Variants in LRRC63 observed in about 807,000 individuals in gnomAD.
LRRC63 encodes leucine-rich repeat-containing protein 63.
LRRC63 carries 40 observed loss-of-function variants against 49.5 expected under a neutral mutation model. The ratio of observed to expected loss-of-function variants is 0.81; its 90% CI spans 0.63 to 1.05. The LOEUF (loss-of-function observed/expected upper bound fraction) is 1.05. Ranked by LOEUF, LRRC63 falls within the 50% of genes least tolerant of loss-of-function variation. LRRC63 has a pLI of 0.00. For synonymous variants in LRRC63, 191 were observed against 221.1 expected (o/e 0.86, Z 1.21); for missense variants, 636 against 663.1 (o/e 0.96, Z 0.45).
At chr13:46,229,577 T>C (rs1174610266) in intron 4 of LRRC63, among the ~76,000 whole-genome samples, 1 of 152,066 alleles carries the variant, frequency 6.6e-6, no homozygotes, top group East Asian at 1.9e-4. Context: ...TACTTGGGAC[T>C]TGAGGGAGAA....
intron 2 of LRRC63, among the ~76,000 whole-genome samples, chr13:46,216,749 A>G (rs1407702581): frequency 6.6e-6 from 1 of 152,184 alleles, no homozygotes; most frequent in Non-Finnish European, 1.5e-5. Flanking sequence ...TTTGCCATAA[A>G]TAGCTCTTAT....
chr13:46,228,836 G>C (rs2046656501), intron 4 of LRRC63, 103 bp downstream of exon 4: 5 of 737,098 alleles, frequency 6.8e-6, no homozygotes, highest in South Asian at 1.7e-5. Flanking sequence ...ATTCACACAT[G>C]CATAACACAC....
intron 4 of LRRC63, 22 bp from the exon 5 acceptor site, chr13:46,234,165 ATGTTT>A (rs1170026724): frequency 2.3e-5 from 35 of 1,519,304 alleles, no homozygotes; most frequent in East Asian, 2.2e-4. Context: ...TTTAAATTTT[ATGTTT>A]TGTTTTGTTT....
intron 9 of LRRC63, chr13:46,270,064 G>A (rs976353685): frequency 1.7e-6 from 1 of 572,126 alleles, no homozygotes; most frequent in South Asian, 2.0e-5. Flanking sequence ...GGGTGGTGGC[G>A]CCTGAGGTCA....
At chr13:46,220,827 G>A (rs867237516) in intron 2 of LRRC63, among the ~76,000 whole-genome samples, 14 of 152,092 alleles carry the variant, frequency 9.2e-5, no homozygotes, top group African/African-American at 3.1e-4. Context: ...ATTCCTCACG[G>A]CACAGTCCCT....
In LRRC63 at chr13:46,217,530, T is replaced by A. The variant is rs547621091; in HGVS notation, c.85+4411T>A. 2.6e-5 allele frequency among the ~76,000 whole-genome samples: 4 copies of A among 151,938 alleles called. No individual in the cohort carries two copies. In the South Asian group the frequency reaches 8.3e-4, roughly 31 times the overall value. Reference sequence around the variant, plus strand: ...TTCTTTATTAGTCTGGCTAGTGGTCTATTTTGTTACTCTTTTCAAAAAACC... The same window carrying A: ...TTCTTTATTAGTCTGGCTAGTGGTCAATTTTGTTACTCTTTTCAAAAAACC... On this transcript the variant is annotated intron_variant, in intron 2 of 9. Transcript: ENST00000595396.
At chr13:46,228,602 A>G (rs2046647848) in intron 3 of LRRC63, 63 bp from the exon 4 acceptor site, 2 of 977,764 alleles carry the variant, frequency 2.0e-6, no homozygotes, top group Non-Finnish European at 3.2e-6. Flanking sequence ...TTGAAGTCAT[A>G]AAACCCTCAA....
chr13:46,224,044 T>C (rs563491281), intron 2 of LRRC63, among the ~76,000 whole-genome samples: 1 of 152,316 alleles, frequency 6.6e-6, no homozygotes, highest in African/African-American at 2.4e-5. Flanking sequence ...CATTTTTGCA[T>C]TGTGTTTGCC....
intron 7 of LRRC63, among the ~76,000 whole-genome samples, chr13:46,255,683 A>G (rs1033823178): frequency 2.2e-5 from 3 of 138,098 alleles, no homozygotes; most frequent in South Asian, 2.5e-4. Context: ...AGTAACCTCA[A>G]TGCTTTCATC....
At chr13:46,260,592 T>C (rs2047599049) in intron 7 of LRRC63, among the ~76,000 whole-genome samples, 1 of 152,098 alleles carries the variant, frequency 6.6e-6, no homozygotes, top group Middle Eastern at 3.4e-3. Context: ...TATGAGAGAG[T>C]AAGCAGAGAA....
chr13:46,220,616 T>C (rs2046378499), intron 2 of LRRC63, among the ~76,000 whole-genome samples: 1 of 150,690 alleles, frequency 6.6e-6, no homozygotes, highest in South Asian at 2.1e-4. Flanking sequence ...TGAACAGTTC[T>C]ATCTCTCTGG....
At chr13:46,223,313 T>G (rs1182892146) in intron 2 of LRRC63, among the ~76,000 whole-genome samples, 1 of 152,154 alleles carries the variant, frequency 6.6e-6, no homozygotes, top group Non-Finnish European at 1.5e-5. Context: ...TGTAAGTATG[T>G]GACTTTATTT....
At chr13:46,222,259 T>C (rs1006816391) in intron 2 of LRRC63, among the ~76,000 whole-genome samples, 4 of 152,148 alleles carry the variant, frequency 2.6e-5, no homozygotes, top group Admixed American at 2.6e-4. Flanking sequence ...ATATTCTAGA[T>C]GTTAGTACCT....
At chr13:46,212,048 C>T (rs1015714628) in exon 1 of LRRC63, 4 of 152,376 alleles carry the variant, frequency 2.6e-5, no homozygotes, top group Non-Finnish European at 4.4e-5. Context: ...CTCGCTGGAC[C>T]TTTACCTCGC....
At chr13:46,230,542 G>C (rs554999815) in intron 4 of LRRC63, among the ~76,000 whole-genome samples, 87 of 152,176 alleles carry the variant, frequency 5.7e-4, no homozygotes, top group Non-Finnish European at 5.6e-4. Context: ...GCAAACCACT[G>C]ATGTAGGTCC....
intron 9 of LRRC63, chr13:46,269,985 G>A (rs1300179653): frequency 2.5e-5 from 8 of 319,816 alleles, no homozygotes; most frequent in African/African-American, 6.3e-5. Context: ...GAAACCATGG[G>A]TAGCACTGAA....
chr13:46,263,130 A>G (rs985968807), intron 8 of LRRC63, among the ~76,000 whole-genome samples: 1 of 151,494 alleles, frequency 6.6e-6, no homozygotes, highest in Admixed American at 6.6e-5. Flanking sequence ...TTTCCTACCT[A>G]TTTTTTTAAG....
chr13:46,214,336 C>G (rs1212374382), intron 2 of LRRC63, among the ~76,000 whole-genome samples: 2 of 152,158 alleles, frequency 1.3e-5, no homozygotes, highest in Non-Finnish European at 2.9e-5. Flanking sequence ...CTTTCTCTCC[C>G]AACTTTTGTT....
At chr13:46,221,636 A>G (rs2046409856) in intron 2 of LRRC63, among the ~76,000 whole-genome samples, 1 of 152,164 alleles carries the variant, frequency 6.6e-6, no homozygotes, top group Non-Finnish European at 1.5e-5. Context: ...AGGGGTTCAT[A>G]AGTATATGGG....
Sources: gnomAD v4.1 joint callset for allele counts (sites outside exome capture counted in the v4.1 genomes callset) on GRCh38, gnomAD v4.1.1 for gene constraint, MANE v1.5 for transcripts, NCBI Gene and HGNC (gene_info 2026-07-23, HGNC 2026-07-21) for gene names.